CKAP2L: variants seen among roughly 807,000 people sequenced by gnomAD.
CKAP2L encodes cytoskeleton associated protein 2L.
CKAP2L carries 42 observed loss-of-function variants against 65.7 expected under a neutral mutation model. The ratio of observed to expected loss-of-function variants is 0.64; its 90% CI spans 0.50 to 0.83. The LOEUF is 0.83. Among genes scored for constraint, CKAP2L ranks in the 40% least tolerant of loss-of-function variants. CKAP2L has a pLI of 0.00. For synonymous variants in CKAP2L, 325 were observed against 313.5 expected (o/e 1.04, Z -0.39); for missense variants, 908 against 871.0 (o/e 1.04, Z -0.53).
intron 5 of CKAP2L, among the ~76,000 whole-genome samples, chr2:112,747,773 A>G (rs1018566322): frequency 1.8e-4 from 27 of 152,240 alleles, no homozygotes; most frequent in African/African-American, 6.0e-4. Context: ...AACCAACACT[A>G]CATGAAAGAG....
In CKAP2L at chr2:112,745,758, A is replaced by AG. The variant is rs552857624; in HGVS notation, c.1758+661dup. Among the ~76,000 whole-genome samples, 91 of 152,318 alleles carry AG rather than the reference A, an allele frequency of 6.0e-4. No individual in the cohort carries two copies. The Middle Eastern group carries it at 0.014, about 23-fold the overall frequency. On this transcript the variant is annotated intron_variant, in intron 6 of 8. Coordinates refer to ENST00000302450, the MANE Select transcript of CKAP2L (RefSeq NM_152515.5). ...TTTCCATGACTCTAATGAAAGTATA[A>AG]GGAATGGCAAAGGTCTATAAGGATG...
chr2:112,746,592 T>C lies in CKAP2L; in HGVS notation c.1603-17A>G, dbSNP rs1265105259. On this transcript the variant is annotated splice_polypyrimidine_tract_variant and intron_variant, in intron 5 of 8. Transcript: ENST00000302450. ...AGGTACACCCTGAAATAAACCAAAA[T>C]ATCCAGAGGTAATTATTACCATTTC... is the stretch of plus-strand genomic sequence containing the variant. The C allele has an allele frequency of 3.2e-6, 5 of 1,567,532 alleles. No homozygotes were observed. The South Asian group carries it at 5.6e-5, about 18-fold the overall frequency.
chr2:112,752,744 G>A (rs542719026), intron 4 of CKAP2L, among the ~76,000 whole-genome samples: 18 of 152,090 alleles, frequency 1.2e-4, no homozygotes, highest in Non-Finnish European at 2.5e-4. Flanking sequence ...TATTTTTCTC[G>A]GAAAGTTTTC....
intron 3 of CKAP2L, among the ~76,000 whole-genome samples, chr2:112,757,624 C>T (rs1680586594): frequency 6.6e-6 from 1 of 152,052 alleles, no homozygotes; most frequent in Non-Finnish European, 1.5e-5. Context: ...TCCTGACCTC[C>T]AGTGATCCAC....
At chr2:112,757,377 G>GTT (rs1680574827) in intron 3 of CKAP2L, among the ~76,000 whole-genome samples, 163 bp from the exon 4 acceptor site, 1 of 135,402 alleles carries the variant, frequency 7.4e-6, no homozygotes, top group African/African-American at 2.8e-5. Context: ...CTAATAGGTA[G>GTT]TTTTTGTGTT....
intron 4 of CKAP2L, among the ~76,000 whole-genome samples, chr2:112,754,072 C>T (rs1365707015): frequency 6.6e-6 from 1 of 152,178 alleles, no homozygotes; most frequent in African/African-American, 2.4e-5. Context: ...GTAAAATTCA[C>T]CTTTTAGTGT....
chr2:112,739,262 A>G, intron 8 of CKAP2L, among the ~76,000 whole-genome samples: 1 of 152,164 alleles, frequency 6.6e-6, no homozygotes, highest in East Asian at 1.9e-4. Context: ...TTTACCAAAA[A>G]ATATAAAAAT....
chr2:112,740,371 A>G (rs537569677), intron 8 of CKAP2L, among the ~76,000 whole-genome samples: 4 of 152,362 alleles, frequency 2.6e-5, no homozygotes, highest in Non-Finnish European at 4.4e-5. Flanking sequence ...ACGCCCTGAC[A>G]TAGCTCCTTA....
chr2:112,758,234 G>C (rs907381501), intron 3 of CKAP2L, among the ~76,000 whole-genome samples: 1 of 152,218 alleles, frequency 6.6e-6, no homozygotes, highest in Admixed American at 6.5e-5. Flanking sequence ...GAAAACTAGG[G>C]AAGGGAGTTT....
Position 112,738,561 on chromosome 2 carries a change from T to C in CKAP2L, c.*262A>G. The C allele has an allele frequency of 2.3e-6, 1 of 440,794 alleles. No individual in the cohort carries two copies. Among genetic ancestry groups the C allele is most frequent in the Non-Finnish European group, 4.1e-6 (1 of 246,500 alleles). The allele number at this position is 440,794 out of a possible 1,614,324, so 27.3% of individuals were successfully genotyped here. On this transcript the variant is annotated 3_prime_UTR_variant, in exon 9 of 9. Transcript: ENST00000302450. The stretch of plus-strand genomic sequence containing the variant: ...AAAGTAGATCAATAAAGTATAAATA[T>C]TTATCATAGTTGTAGGGTAAATATT...
At chr2:112,747,813 C>T (rs1268615671) in intron 5 of CKAP2L, among the ~76,000 whole-genome samples, 1 of 152,202 alleles carries the variant, frequency 6.6e-6, no homozygotes, top group Non-Finnish European at 1.5e-5. Context: ...AGAATGAACA[C>T]TGGAGCAAAG....
chr2:112,758,739 T>C (rs76320586), intron 3 of CKAP2L, among the ~76,000 whole-genome samples: 7,786 of 152,326 alleles, frequency 0.051, 218 homozygotes, highest in African/African-American at 0.077. Flanking sequence ...CAAATTGATA[T>C]AATCCACAAA....
At chr2:112,744,459 A>G (rs1473337938) in intron 6 of CKAP2L, among the ~76,000 whole-genome samples, 1 of 152,176 alleles carries the variant, frequency 6.6e-6, no homozygotes, top group Non-Finnish European at 1.5e-5. Flanking sequence ...AGACCTCCAA[A>G]TCCATCCTGC....
intron 4 of CKAP2L, among the ~76,000 whole-genome samples, chr2:112,752,855 T>A (rs1342703738): frequency 2.6e-5 from 4 of 152,186 alleles, no homozygotes; most frequent in Admixed American, 2.6e-4. Flanking sequence ...AAGCTGTCAC[T>A]CAACCCAAAC....
intron 5 of CKAP2L, 73 bp from the exon 6 acceptor site, chr2:112,746,648 TA>T: frequency 8.7e-7 from 1 of 1,154,170 alleles, no homozygotes. Flanking sequence ...TAATATTTAT[TA>T]CAGCAGGTAT....
Position 112,760,822 on chromosome 2 carries a change from G to A in CKAP2L, c.105-58C>T, listed in dbSNP as rs1321080726. 5 of 864,470 alleles carry A rather than the reference G, an allele frequency of 5.8e-6. No homozygotes were observed. In the African/African-American group the frequency reaches 7.1e-5, roughly 12 times the overall value. 53.5% of individuals were successfully genotyped at this position (864,470 alleles called of 1,614,324 possible). Reference sequence around the variant, plus strand: ...ACAGAAGGATTCTAAGCTAAGCTTGGGAAGTACAGTGATTAAAAATTATGA... The same window carrying A: ...ACAGAAGGATTCTAAGCTAAGCTTGAGAAGTACAGTGATTAAAAATTATGA... On this transcript the variant is annotated intron_variant, in intron 2 of 8. Transcript: ENST00000302450.
chr2:112,753,711 A>G (rs1027774043), intron 4 of CKAP2L, among the ~76,000 whole-genome samples: 1 of 151,836 alleles, frequency 6.6e-6, no homozygotes, highest in African/African-American at 2.4e-5. Flanking sequence ...TATTTTTAGT[A>G]GAGATGGGGT....
chr2:112,739,084 C>T (rs1203556089), intron 8 of CKAP2L, 36 bp from the exon 9 acceptor site: 2 of 1,468,892 alleles, frequency 1.4e-6, no homozygotes, highest in East Asian at 4.6e-5. Flanking sequence ...AAAACCTTAT[C>T]ATTTAAAAAA....
At chr2:112,761,460 C>CAAAA (rs1182818451) in intron 2 of CKAP2L, among the ~76,000 whole-genome samples, 3 of 26,380 alleles carry the variant, frequency 1.1e-4, no homozygotes, top group Admixed American at 3.3e-4. Flanking sequence ...GACTCCGTCT[C>CAAAA]AAAAAAAAAA....
Sources: allele counts gnomAD v4.1 joint callset (sites outside exome capture counted in the v4.1 genomes callset), GRCh38; gene constraint gnomAD v4.1.1; transcripts MANE v1.5; gene names NCBI Gene and HGNC (gene_info 2026-07-23, HGNC 2026-07-21).